Variants in HS6ST2 observed in about 807,000 individuals in gnomAD.
HS6ST2 encodes the protein heparan sulfate 6-O-sulfotransferase 2.
A neutral mutation model predicts 33.0 loss-of-function variants in HS6ST2; 17 were observed. The ratio of observed to expected loss-of-function variants is 0.52; its 90% CI spans 0.35 to 0.77. HS6ST2 has a LOEUF of 0.77. HS6ST2 is among the 30% of genes least tolerant of loss of function. The probability of loss-of-function intolerance (pLI) is 0.01; values close to 1 mark genes in which losing one functional copy is unlikely to be tolerated. For synonymous variants in HS6ST2, 248 were observed against 237.1 expected (o/e 1.05, Z -0.42); for missense variants, 519 against 551.7 (o/e 0.94, Z 0.59).
intron 2 of HS6ST2, among the ~76,000 whole-genome samples, chrX:132,953,437 C>A (rs888660544): frequency 1.8e-5 from 2 of 111,824 alleles, no homozygotes; most frequent in African/African-American, 6.5e-5. Flanking sequence ...TTATATATCA[C>A]CCAAGCACTT....
rs2066317247 is a variant in HS6ST2, at chrX:132,891,860, C to G, written c.947+64948G>C. Among the ~76,000 whole-genome samples the G allele has an allele frequency of 4.5e-5, 5 of 111,561 alleles. No homozygotes were observed. In the South Asian group the frequency reaches 1.9e-3, roughly 42 times the overall value. Reference sequence around the variant, plus strand: ...ACAACAAACATATGTGTGCATGTGTCTTTATAGCAGCATGATTTATAGTCC... The same window carrying G: ...ACAACAAACATATGTGTGCATGTGTGTTTATAGCAGCATGATTTATAGTCC... On this transcript the variant is annotated intron_variant, in intron 2 of 4. Coordinates refer to ENST00000370833, the MANE Select transcript of HS6ST2 (RefSeq NM_001394073.1).
intron 2 of HS6ST2, among the ~76,000 whole-genome samples, chrX:132,868,643 AC>A (rs1453797990): frequency 8.9e-6 from 1 of 112,208 alleles, no homozygotes; most frequent in Non-Finnish European, 1.9e-5. Context: ...AAACCTCATG[AC>A]TACATGGAAA....
chrX:132,889,579 T>C (rs1045165734), intron 2 of HS6ST2, among the ~76,000 whole-genome samples: 1 of 111,255 alleles, frequency 9.0e-6, no homozygotes, highest in Non-Finnish European at 1.9e-5. Flanking sequence ...GTTGAGGTCT[T>C]AGGAGTGGAT....
intron 2 of HS6ST2, among the ~76,000 whole-genome samples, chrX:132,945,298 C>A (rs1206965434): frequency 1.8e-5 from 2 of 111,917 alleles, no homozygotes; most frequent in Non-Finnish European, 3.8e-5. Context: ...ATCAAAACCA[C>A]AATGAGATAC....
intron 2 of HS6ST2, among the ~76,000 whole-genome samples, chrX:132,799,175 A>G (rs756197907): frequency 9.0e-6 from 1 of 110,650 alleles, no homozygotes; most frequent in East Asian, 2.9e-4. Context: ...AACTTTGGGA[A>G]AAATTGCAAT....
chrX:132,774,381 C>T (rs1569489324), intron 2 of HS6ST2, among the ~76,000 whole-genome samples: 2 of 112,238 alleles, frequency 1.8e-5, no homozygotes, highest in Admixed American at 1.9e-4. Flanking sequence ...ATTTTTAGGA[C>T]GAAGTGCAAA....
chrX:132,744,643 GT>G (rs1001580108), intron 2 of HS6ST2, among the ~76,000 whole-genome samples: 1 of 111,493 alleles, frequency 9.0e-6, no homozygotes, highest in East Asian at 2.8e-4. Flanking sequence ...CAGCTGAATT[GT>G]TTTTTTCACT....
chrX:132,940,719 C>A (rs1366742878), intron 2 of HS6ST2, among the ~76,000 whole-genome samples: 5 of 111,659 alleles, frequency 4.5e-5, no homozygotes, highest in Non-Finnish European at 9.4e-5. Context: ...CAAATCAATA[C>A]CACAATGAGA....
intron 2 of HS6ST2, among the ~76,000 whole-genome samples, chrX:132,932,245 T>C (rs1485070619): frequency 3.7e-5 from 4 of 108,417 alleles, no homozygotes; most frequent in Non-Finnish European, 7.6e-5. Flanking sequence ...TGTGGAGCAA[T>C]TGATGCCCCA....
intron 2 of HS6ST2, among the ~76,000 whole-genome samples, chrX:132,803,862 G>T (rs956502588): frequency 9.0e-6 from 1 of 111,650 alleles, no homozygotes; most frequent in African/African-American, 3.3e-5. Context: ...ACATGAAATA[G>T]TATTTGTGAG....
At chrX:132,637,160 A>G (rs894132141) in intron 4 of HS6ST2, among the ~76,000 whole-genome samples, 10 of 112,510 alleles carry the variant, frequency 8.9e-5, no homozygotes, top group African/African-American at 3.2e-4. Flanking sequence ...AGCATCATTT[A>G]GGAACTTGTT....
intron 2 of HS6ST2, among the ~76,000 whole-genome samples, chrX:132,849,979 C>T (rs369838792): frequency 2.9e-4 from 33 of 111,874 alleles, no homozygotes; most frequent in African/African-American, 8.8e-4. Context: ...TAGCATGAAA[C>T]GAAAACATAA....
chrX:132,694,677 C>A (rs747154389), intron 3 of HS6ST2, among the ~76,000 whole-genome samples: 19 of 110,969 alleles, frequency 1.7e-4, no homozygotes, highest in Non-Finnish European at 3.4e-4. Flanking sequence ...AGCAGGGGAG[C>A]CAGCTAGTAG....
intron 2 of HS6ST2, among the ~76,000 whole-genome samples, chrX:132,791,159 A>C (rs1422707532): frequency 9.0e-6 from 1 of 111,000 alleles, no homozygotes; most frequent in Non-Finnish European, 1.9e-5. Context: ...AAAGCTAAAA[A>C]ACCCTCTTCA....
At chrX:132,861,844 T>C (rs934771463) in intron 2 of HS6ST2, among the ~76,000 whole-genome samples, 4 of 112,170 alleles carry the variant, frequency 3.6e-5, no homozygotes, top group African/African-American at 1.3e-4. Flanking sequence ...TTATCCTTTT[T>C]ATTCTATGTA....
At chrX:132,669,491 A>G (rs1347792883) in intron 3 of HS6ST2, 8 of 198,496 alleles carry the variant, frequency 4.0e-5, no homozygotes, top group Non-Finnish European at 7.1e-5. Context: ...CCCAGGCCCC[A>G]AGGGGGCCTC....
intron 2 of HS6ST2, among the ~76,000 whole-genome samples, chrX:132,840,582 A>G (rs2065699024): frequency 9.0e-6 from 1 of 111,536 alleles, no homozygotes; most frequent in Non-Finnish European, 1.9e-5. Flanking sequence ...GTGTGTGAAA[A>G]TGCCTAGTAC....
At chrX:132,723,543 A>G (rs982642805) in intron 2 of HS6ST2, among the ~76,000 whole-genome samples, 1 of 112,110 alleles carries the variant, frequency 8.9e-6, no homozygotes, top group South Asian at 3.7e-4. Context: ...AATGTGATAC[A>G]TCGTATCAGC....
At chrX:132,883,784 C>T (rs1017490360) in intron 2 of HS6ST2, among the ~76,000 whole-genome samples, 3 of 111,447 alleles carry the variant, frequency 2.7e-5, no homozygotes, top group Non-Finnish European at 5.6e-5. Context: ...CACCGTCTTG[C>T]TTTCACTCGT....
Sources: gnomAD v4.1 joint callset for allele counts (sites outside exome capture counted in the v4.1 genomes callset) on GRCh38, gnomAD v4.1.1 for gene constraint, MANE v1.5 for transcripts, NCBI Gene and HGNC (gene_info 2026-07-23, HGNC 2026-07-21) for gene names.